The following TENM2 variants were observed in gnomAD, a reference collection of about 807,000 sequenced individuals.
The protein encoded by TENM2 is teneurin transmembrane protein 2, also known as teneurin-2.
TENM2 carries 52 observed loss-of-function variants against 245.2 expected under a neutral mutation model. That is an observed-to-expected ratio of 0.21 (90% CI 0.17 to 0.27). The LOEUF (loss-of-function observed/expected upper bound fraction) is 0.27, where lower values mean the gene tolerates loss of function less well. TENM2 is among the 10% of genes least tolerant of loss of function. The probability of loss-of-function intolerance (pLI) is 1.00; values close to 1 mark genes in which losing one functional copy is unlikely to be tolerated. For missense variants in TENM2, 3,046 were observed against 3,666.8 expected, an observed-to-expected ratio of 0.83 and a Z score of 4.37; for synonymous variants, 1,363 against 1,438.9, an observed-to-expected ratio of 0.95 and a Z score of 1.19.
intron 7 of TENM2, among the ~76,000 whole-genome samples, chr5:168,087,868 T>C (rs1792596287): frequency 6.6e-6 from 1 of 152,084 alleles, no homozygotes; most frequent in Non-Finnish European, 1.5e-5. Flanking sequence ...TCAGACACCA[T>C]ATCATATCAG....
chr5:167,923,506 C>T (rs184317359), intron 3 of TENM2, among the ~76,000 whole-genome samples: 88 of 152,210 alleles, frequency 5.8e-4, no homozygotes, highest in African/African-American at 2.0e-3. Flanking sequence ...GAACCTCCGC[C>T]GCTGAGGTAG....
intron 1 of TENM2, among the ~76,000 whole-genome samples, chr5:167,310,344 G>A (rs1336409260): frequency 6.6e-6 from 1 of 152,138 alleles, no homozygotes; most frequent in Admixed American, 6.6e-5. Flanking sequence ...TGCTCCTGTG[G>A]CTGTCCCAGT....
chr5:168,009,926 C>G (rs1040502255), intron 5 of TENM2, among the ~76,000 whole-genome samples: 6 of 152,180 alleles, frequency 3.9e-5, no homozygotes, highest in Admixed American at 2.6e-4. Context: ...GTAACCATTT[C>G]TAAGCTCAGT....
intron 2 of TENM2, among the ~76,000 whole-genome samples, chr5:167,402,575 A>G (rs995307992): frequency 3.3e-5 from 5 of 152,120 alleles, no homozygotes; most frequent in African/African-American, 1.2e-4. Flanking sequence ...AATGTCTCCC[A>G]TCCTTCATTT....
Position 168,009,013 on chromosome 5 carries a change from G to A in TENM2, c.1186+15831G>A, listed in dbSNP as rs191314834. ...TATGGAAGTCTATAGAGAAAAAGGA[G>A]AGCAGAATTGGGTAAAAACTAAACT... is the stretch of plus-strand genomic sequence containing the variant. On this transcript the variant is annotated intron_variant, in intron 5 of 28. Coordinates refer to ENST00000518659, the Ensembl canonical transcript of TENM2. Among the ~76,000 whole-genome samples, 11 of 152,290 alleles carry A rather than the reference G, an allele frequency of 7.2e-5. No homozygotes were observed. In the East Asian group the frequency reaches 2.1e-3, roughly 29 times the overall value.
chr5:167,166,213 A>G, the TENM2 span, among the ~76,000 whole-genome samples: 10 of 152,218 alleles, frequency 6.6e-5, no homozygotes, highest in Non-Finnish European at 1.3e-4. Flanking sequence ...ACACATACAC[A>G]TACAAACACA....
intron 12 of TENM2, chr5:168,130,043 G>A (rs2152372005): frequency 6.6e-6 from 1 of 152,226 alleles, no homozygotes; most frequent in South Asian, 2.1e-4. Flanking sequence ...ATAGTCAACT[G>A]AACAATTCAC....
In TENM2 at chr5:167,400,341, TAGAG is replaced by T. The variant is rs1157240009; in HGVS notation, c.502+24873_502+24876del. 1.1e-4 allele frequency among the ~76,000 whole-genome samples: 17 copies of T among 151,984 alleles called. No homozygotes were observed. The East Asian group carries it at 3.3e-3, about 30-fold the overall frequency. ...GTCCAAGTGGGTAGAGACAGGTTCA[TAGAG>T]AGAGGGAGGATTCTAGAGTGGGTTT... On this transcript the variant is annotated intron_variant, in intron 2 of 28. Transcript: ENST00000518659.
the TENM2 span, among the ~76,000 whole-genome samples, chr5:167,250,824 A>G: frequency 1.3e-5 from 2 of 152,188 alleles, no homozygotes; most frequent in African/African-American, 4.8e-5. Context: ...CTAAGTGAAT[A>G]GATTAGGTGA....
intron 1 of TENM2, among the ~76,000 whole-genome samples, chr5:167,356,778 C>CA (rs1401329884): frequency 2.6e-5 from 4 of 152,182 alleles, no homozygotes; most frequent in Non-Finnish European, 5.9e-5. Context: ...ATGGAGGAAG[C>CA]ATGGCTGCAT....
the TENM2 span, among the ~76,000 whole-genome samples, chr5:167,272,594 T>G: frequency 6.6e-6 from 1 of 152,178 alleles, no homozygotes; most frequent in African/African-American, 2.4e-5. Context: ...TCACGTGTAC[T>G]AACCCTTTCC....
intron 1 of TENM2, among the ~76,000 whole-genome samples, chr5:167,343,579 A>G (rs1363685958): frequency 6.6e-6 from 1 of 152,228 alleles, no homozygotes; most frequent in Non-Finnish European, 1.5e-5. Flanking sequence ...TTAAAAAGCC[A>G]TACTTTGTTT....
chr5:167,266,311 A>G, the TENM2 span, among the ~76,000 whole-genome samples: 1 of 152,232 alleles, frequency 6.6e-6, no homozygotes, highest in Non-Finnish European at 1.5e-5. Context: ...AAGAGAGGTC[A>G]TGAAATTTTA....
intron 2 of TENM2, among the ~76,000 whole-genome samples, chr5:167,477,027 A>C (rs1767430265): frequency 1.3e-5 from 2 of 152,232 alleles, no homozygotes; most frequent in Non-Finnish European, 2.9e-5. Context: ...TCCATAAAAA[A>C]AGTGATGGTT....
At chr5:167,114,524 C>T in the TENM2 span, among the ~76,000 whole-genome samples, 2 of 152,156 alleles carry the variant, frequency 1.3e-5, no homozygotes, top group Non-Finnish European at 2.9e-5. Context: ...GAATTTATCT[C>T]TACAAGAAGG....
intron 1 of TENM2, among the ~76,000 whole-genome samples, chr5:167,357,441 C>T (rs2127253287): frequency 6.6e-6 from 1 of 152,096 alleles, no homozygotes. Flanking sequence ...TGCCACCACA[C>T]CTGGCTAATT....
At chr5:167,878,951 AC>A in intron 3 of TENM2, among the ~76,000 whole-genome samples, 1 of 152,164 alleles carries the variant, frequency 6.6e-6, no homozygotes, top group East Asian at 1.9e-4. Context: ...GAAATAAAAC[AC>A]TTTCCAACAC....
At chr5:167,325,409 A>G (rs1757020383) in intron 1 of TENM2, among the ~76,000 whole-genome samples, 1 of 152,218 alleles carries the variant, frequency 6.6e-6, no homozygotes, top group South Asian at 2.1e-4. Flanking sequence ...TTGAAGATCA[A>G]GTCAACAAGC....
chr5:168,106,332 C>A (rs1794238634), intron 9 of TENM2, among the ~76,000 whole-genome samples: 1 of 128,282 alleles, frequency 7.8e-6, no homozygotes, highest in African/African-American at 3.2e-5. Context: ...TACATGCCAG[C>A]ACTAAAAACA....
Sources: gnomAD v4.1 joint callset for allele counts (sites outside exome capture counted in the v4.1 genomes callset) on GRCh38, gnomAD v4.1.1 for gene constraint, MANE v1.5 for transcripts, NCBI Gene and HGNC (gene_info 2026-07-23, HGNC 2026-07-21) for gene names.